The following MAP4K2 variants were observed in gnomAD, a reference collection of about 807,000 sequenced individuals.
MAP4K2 encodes B lymphocyte serine/threonine protein kinase.
A neutral mutation model predicts 125.3 loss-of-function variants in MAP4K2; 85 were observed. That is an observed-to-expected ratio of 0.68 (90% CI 0.57 to 0.81). The LOEUF (loss-of-function observed/expected upper bound fraction) is 0.81, where lower values mean the gene tolerates loss of function less well. Ranked by LOEUF, MAP4K2 falls within the 40% of genes least tolerant of loss-of-function variation. The probability of loss-of-function intolerance (pLI) is 0.00; values close to 1 mark genes in which losing one functional copy is unlikely to be tolerated. For synonymous variants in MAP4K2, 479 were observed against 445.1 expected, an observed-to-expected ratio of 1.08 and a Z score of -0.96; for missense variants, 923 against 1,056.4, an observed-to-expected ratio of 0.87 and a Z score of 1.75.
rs1381330137 is a variant in MAP4K2, at chr11:64,786,448, G to A, written c.*3089C>T. The A allele has an allele frequency of 6.6e-6, 1 of 152,216 alleles. No homozygotes were observed. The highest frequency in any genetic ancestry group is 2.4e-5 in the African/African-American group (1 of 41,436). The allele number at this position is 152,216 out of a possible 1,614,324, so 9.4% of individuals were successfully genotyped here. On this transcript the variant is annotated 3_prime_UTR_variant, in exon 32 of 32. Coordinates refer to ENST00000294066, the MANE Select transcript of MAP4K2 (RefSeq NM_004579.5). ...TCCTGAGCACTGGTAGTGAGCAGGT[G>A]CTGGACATGCCACAGGGAACACGGC...
At chr11:64,794,792 G>A (rs935341464) in intron 24 of MAP4K2, among the ~76,000 whole-genome samples, 4 of 151,986 alleles carry the variant, frequency 2.6e-5, no homozygotes, top group Admixed American at 6.6e-5. Context: ...ACACACTTTC[G>A]AACCTCCCAA....
Position 64,796,696 on chromosome 11 carries a change from C to G in MAP4K2, c.1510G>C (p.Gly504Arg). Reference sequence around the variant, plus strand: ...AGTGTGTAGATGCCTTCCTCGGCCCCTACCACCAGGAACTGGTCTGCCAGT... The same window carrying G: ...AGTGTGTAGATGCCTTCCTCGGCCCGTACCACCAGGAACTGGTCTGCCAGT... ...PVTRDQFLVV[G>R]AEEGIYTLNL... The change falls in exon 22 of 32, where the codon GGG becomes CGG. Residue 504 changes from glycine (G) to arginine (R), a missense_variant. Gly to Arg is a moderately radical substitution (Grantham distance 125, BLOSUM62 -2). Coordinates refer to ENST00000294066, the MANE Select transcript of MAP4K2 (RefSeq NM_004579.5). 6.2e-7 allele frequency: 1 copy of G among 1,613,956 alleles called. No homozygotes were observed. Among genetic ancestry groups the G allele is most frequent in the Non-Finnish European group, 8.5e-7 (1 of 1,179,998 alleles).
In MAP4K2 at chr11:64,802,645, TGTC is replaced by T. The variant is rs1941284399; in HGVS notation, c.160_162del (p.Asp54del). The stretch of plus-strand genomic sequence containing the variant: ...GTGATTTCCTGCTGGAGGGAGCTGA[TGTC>T]GTCCCCTGGGAAGCACAAAGCATCA... On this transcript the variant is annotated inframe_deletion, in exon 3 of 32. Transcript: ENST00000294066. 3 of 1,612,492 alleles carry T rather than the reference TGTC, an allele frequency of 1.9e-6. No homozygotes were observed. The highest frequency in any genetic ancestry group is 1.1e-5 in the South Asian group (1 of 90,862).
intron 27 of MAP4K2, among the ~76,000 whole-genome samples, chr11:64,790,907 G>T (rs926786560): frequency 6.6e-6 from 1 of 152,142 alleles, no homozygotes; most frequent in Non-Finnish European, 1.5e-5. Context: ...AGGCCGAAGC[G>T]GGTGGATCAC....
rs1318773544 is a variant in MAP4K2 at position 64,796,885 on chromosome 11, G to C, written c.1416C>G (p.Ala472=). 2 of 1,613,992 alleles carry C rather than the reference G, an allele frequency of 1.2e-6. No homozygotes were observed. Among genetic ancestry groups the C allele is most frequent in the Admixed American group, 1.7e-5 (1 of 60,024 alleles). ...AGCCATTGAAGACCTTGGAGAAGCA[G>C]GCGCCCATCTGCAGAGGAGGCAAGA... ...LPPTPKVHMG[A]CFSKVFNGCP... The change falls in exon 21 of 32, where the codon GCC becomes GCG. Residue 472 remains alanine (A), a synonymous_variant. Transcript: ENST00000294066.
chr11:64,797,920 T>G (rs1441767473), intron 15 of MAP4K2, among the ~76,000 whole-genome samples: 1 of 151,630 alleles, frequency 6.6e-6, no homozygotes, highest in Non-Finnish European at 1.5e-5. Context: ...TTAGCCAGGA[T>G]GGTTTCGATC....
intron 14 of MAP4K2, 100 bp downstream of exon 14, chr11:64,799,321 C>A (rs1941017596): frequency 2.0e-5 from 29 of 1,465,082 alleles, no homozygotes; most frequent in Non-Finnish European, 2.4e-5. Flanking sequence ...CCCGAGGCCA[C>A]CCAGCTTCAA....
intron 29 of MAP4K2, 48 bp from the exon 30 acceptor site, chr11:64,790,007 C>A (rs1362266741): frequency 1.2e-6 from 2 of 1,604,148 alleles, no homozygotes; most frequent in Non-Finnish European, 1.7e-6. Flanking sequence ...TTGGCACCCC[C>A]TCAGCCACGC....
intron 7 of MAP4K2, 151 bp downstream of exon 7, chr11:64,801,428 G>A: frequency 4.2e-6 from 4 of 950,948 alleles, no homozygotes; most frequent in Non-Finnish European, 6.4e-6. Flanking sequence ...CTATTTTCCA[G>A]CAGGGAGGGA....
At position 64,799,401 on chromosome 11, in the gene MAP4K2, C is replaced by T. The variant is rs1941022176; in HGVS notation, c.1053+20G>A. 1.2e-6 allele frequency: 2 copies of T among 1,611,976 alleles called. No homozygotes were observed. Among genetic ancestry groups the T allele is most frequent in the South Asian group, 1.1e-5 (1 of 90,882 alleles). On this transcript the variant is annotated intron_variant, in intron 14 of 31. Coordinates refer to ENST00000294066, the MANE Select transcript of MAP4K2 (RefSeq NM_004579.5). ...CCCCACCTCTGGGCACCACCTTCCCCTCAAGGCCTGCCCACTCACCGGCTC... is the reference window on the plus strand; with the variant it reads ...CCCCACCTCTGGGCACCACCTTCCCTTCAAGGCCTGCCCACTCACCGGCTC...
At position 64,800,230 on chromosome 11, in the gene MAP4K2, G is replaced by A. The variant is rs1279569523; in HGVS notation, c.808-14C>T. 3.1e-6 allele frequency: 5 copies of A among 1,612,402 alleles called. No homozygotes were observed. The highest frequency in any genetic ancestry group is 2.7e-5 in the African/African-American group (2 of 75,030). On this transcript the variant is annotated splice_polypyrimidine_tract_variant and intron_variant, in intron 11 of 31. Transcript: ENST00000294066. ...CGTGAACGGGTGCTGGAAAGTGGGG[G>A]AGGGGGGTGATCAGGTTGGCCCCTG...
Position 64,802,945 on chromosome 11 carries a change from G to C in MAP4K2, c.97-3C>G. 6.3e-7 allele frequency: 1 copy of C among 1,576,054 alleles called. No individual in the cohort carries two copies. Among genetic ancestry groups the C allele is most frequent in the Non-Finnish European group, 8.6e-7 (1 of 1,161,958 alleles). On this transcript the variant is annotated splice_region_variant and splice_polypyrimidine_tract_variant and intron_variant, in intron 1 of 31. Coordinates refer to ENST00000294066, the MANE Select transcript of MAP4K2 (RefSeq NM_004579.5). ...TCGGACGTGACCGTGTCGCGGGCCT[G>C]CAGGGGCGGAGGGTGAAGCGGGATG...
chr11:64,798,918 G>A, intron 14 of MAP4K2, 81 bp from the exon 15 acceptor site: 1 of 1,214,782 alleles, frequency 8.2e-7, no homozygotes, highest in East Asian at 2.5e-5. Context: ...TTCAGGAAAG[G>A]AAAGACAGAC....
chr11:64,791,354 G>A (rs1274824601), intron 27 of MAP4K2, among the ~76,000 whole-genome samples: 1 of 152,170 alleles, frequency 6.6e-6, no homozygotes, highest in Non-Finnish European at 1.5e-5. Context: ...CCTGCAGCCC[G>A]GAGCAATGTT....
intron 4 of MAP4K2, 84 bp downstream of exon 4, chr11:64,802,335 G>C (rs1429918790): frequency 7.1e-7 from 1 of 1,404,884 alleles, no homozygotes; most frequent in Non-Finnish European, 9.7e-7. Context: ...CCCAAGTCCA[G>C]GGCCCAGAGT....
chr11:64,798,899 C>A, intron 14 of MAP4K2, 62 bp from the exon 15 acceptor site: 1 of 1,387,822 alleles, frequency 7.2e-7, no homozygotes, highest in Non-Finnish European at 9.9e-7. Context: ...TGAGAGGGCG[C>A]TCAAGAGATT....
intron 12 of MAP4K2, 137 bp downstream of exon 12, chr11:64,799,972 C>G: frequency 1.3e-6 from 1 of 750,336 alleles, no homozygotes; most frequent in Middle Eastern, 3.8e-4. Flanking sequence ...ATGACAGAGA[C>G]TCCTAATGGG....
rs754106913 is a variant in MAP4K2 at position 64,800,815 on chromosome 11, A to T, written c.674T>A (p.Leu225His). The change falls in exon 10 of 32, where the codon CTC (leucine) becomes CAC (histidine). Residue 225 changes from leucine (L) to histidine (H), a missense_variant. Around this residue, in one of 2 missense-constraint regions of MAP4K2, gnomAD observed 833 missense variants for 911.4 expected, o/e 0.91. Coordinates refer to ENST00000294066, the MANE Select transcript of MAP4K2 (RefSeq NM_004579.5). ...CGGCTGGAAGCTGCTCTTCGACATGAGCATCAGGGCCCTGTGGAGGGCGCG... is the reference window on the plus strand; with the variant it reads ...CGGCTGGAAGCTGCTCTTCGACATGTGCATCAGGGCCCTGTGGAGGGCGCG... The part of the protein sequence containing the change: ...FHLHPMRALM[L>H]MSKSSFQPPK... 1.9e-6 allele frequency: 3 copies of T among 1,612,282 alleles called. No individual in the cohort carries two copies. The Admixed American group carries it at 5.0e-5, about 27-fold the overall frequency.
intron 31 of MAP4K2, 35 bp from the exon 32 acceptor site, chr11:64,789,659 A>T: frequency 6.2e-7 from 1 of 1,612,404 alleles, no homozygotes; most frequent in Non-Finnish European, 8.5e-7. Context: ...AGGGCGGGAG[A>T]CACTTGGTAC....
Sources: gnomAD v4.1 joint callset for allele counts (sites outside exome capture counted in the v4.1 genomes callset) on GRCh38, gnomAD v4.1.1 for gene constraint, gnomAD v4.1.1 regional missense constraint, MANE v1.5 for transcripts, NCBI Gene and HGNC (gene_info 2026-07-23, HGNC 2026-07-21) for gene names.